Variants in SCN10A observed in about 807,000 individuals in gnomAD.
SCN10A encodes the protein sodium voltage-gated channel alpha subunit 10.
In SCN10A, 162 loss-of-function variants were observed where a neutral mutation model predicts 170.7. The observed-to-expected ratio is 0.95, with a 90% CI of 0.84 to 1.08. The LOEUF is 1.08. Among genes scored for constraint, SCN10A ranks in the 50% least tolerant of loss-of-function variants. The pLI is 0.00. For synonymous variants in SCN10A, 985 were observed against 904.6 expected (o/e 1.09, Z -1.59); for missense variants, 2,527 against 2,436.9 (o/e 1.04, Z -0.78).
rs1162676492 is a variant in SCN10A, at chr3:38,709,526, A to G, written c.4233T>C (p.Asn1411=). ...TGTCAATTATGACCCCAACAAAGAGATTCAGTGTGAAGAAGCCTCCAAAAA... is the reference window on the plus strand; with the variant it reads ...TGTCAATTATGACCCCAACAAAGAGGTTCAGTGTGAAGAAGCCTCCAAAAA... The part of the protein sequence containing the change: ...FIIFGGFFTL[N]LFVGVIIDNF... Residue 1411 remains asparagine, a synonymous_variant, in exon 25 of 28, where the codon AAT becomes AAC. Coordinates refer to ENST00000449082, the MANE Select transcript of SCN10A (RefSeq NM_006514.4). 1.2e-5 allele frequency: 20 copies of G among 1,613,076 alleles called. No individual in the cohort carries two copies. In the East Asian group the frequency reaches 4.2e-4, roughly 34 times the overall value.
chr3:38,753,987 A>T (rs1055287569), intron 11 of SCN10A, among the ~76,000 whole-genome samples: 3 of 152,218 alleles, frequency 2.0e-5, no homozygotes, highest in Admixed American at 6.5e-5. Context: ...TAAAAACTGC[A>T]TTAGGTCTAT....
intron 4 of SCN10A, among the ~76,000 whole-genome samples, chr3:38,784,902 A>G (rs1471946288): frequency 6.6e-6 from 1 of 152,208 alleles, no homozygotes; most frequent in Non-Finnish European, 1.5e-5. Context: ...AGAGAATAAA[A>G]TATCTAGAAA....
chr3:38,760,869 G>C, intron 7 of SCN10A, 122 bp from the exon 8 acceptor site: 1 of 763,792 alleles, frequency 1.3e-6, no homozygotes, highest in Non-Finnish European at 2.2e-6. Context: ...CATGTACTCA[G>C]TGGGCATGCT....
chr3:38,786,668 T>G (rs993020492), intron 4 of SCN10A, among the ~76,000 whole-genome samples: 6 of 152,252 alleles, frequency 3.9e-5, no homozygotes, highest in Admixed American at 2.6e-4. Flanking sequence ...ACAAAGCAAG[T>G]GAGGTGTTGA....
intron 26 of SCN10A, among the ~76,000 whole-genome samples, chr3:38,703,578 G>C (rs912028299): frequency 3.3e-5 from 5 of 152,204 alleles, no homozygotes; most frequent in African/African-American, 7.2e-5. Context: ...AAGGACGCTT[G>C]TCTGATATTG....
At chr3:38,774,512 G>A (rs990532372) in intron 4 of SCN10A, among the ~76,000 whole-genome samples, 2 of 152,242 alleles carry the variant, frequency 1.3e-5, no homozygotes, top group African/African-American at 2.4e-5. Context: ...TATTTCCTAA[G>A]TGCTTTTTCT....
intron 1 of SCN10A, among the ~76,000 whole-genome samples, chr3:38,813,167 A>G (rs1317554992): frequency 6.6e-6 from 1 of 152,158 alleles, no homozygotes; most frequent in African/African-American, 2.4e-5. Flanking sequence ...AATAATTACT[A>G]TTCCACCTTA....
chr3:38,784,282 C>G (rs1181709886), intron 4 of SCN10A, among the ~76,000 whole-genome samples: 2 of 152,084 alleles, frequency 1.3e-5, no homozygotes, highest in African/African-American at 4.8e-5. Context: ...AGCTTATCCA[C>G]CACGATCAAG....
At chr3:38,756,202 C>A (rs868147245) in intron 10 of SCN10A, among the ~76,000 whole-genome samples, 12 of 152,160 alleles carry the variant, frequency 7.9e-5, no homozygotes, top group African/African-American at 2.4e-4. Flanking sequence ...ACAGCTATCC[C>A]GAGCTGCTTG....
chr3:38,761,149 G>C, intron 7 of SCN10A, 43 bp downstream of exon 7: 1 of 1,452,338 alleles, frequency 6.9e-7, no homozygotes, highest in Non-Finnish European at 9.5e-7. Context: ...TGATACCAAG[G>C]GTCCAACCAG....
chr3:38,726,586 C>T lies in SCN10A; in HGVS notation c.3087+20G>A. 2.6e-6 allele frequency: 4 copies of T among 1,551,782 alleles called. No individual in the cohort carries two copies. Among genetic ancestry groups the T allele is most frequent in the Non-Finnish European group, 3.5e-6 (4 of 1,141,194 alleles). On this transcript the variant is annotated intron_variant, in intron 17 of 27. Transcript: ENST00000449082. The stretch of plus-strand genomic sequence containing the variant: ...GCCCCTCCCCACTGCCTGTGGCTGT[C>T]CCTTGGGGATAACTCTTACCTGTCC...
At chr3:38,744,458 CTT>C (rs59639785) in intron 13 of SCN10A, among the ~76,000 whole-genome samples, 15 of 147,412 alleles carry the variant, frequency 1.0e-4, no homozygotes, top group Admixed American at 2.0e-4. Flanking sequence ...TATTTGTTTT[CTT>C]TTTTTTTCAA....
Position 38,789,046 on chromosome 3 carries a change from C to G in SCN10A, c.390-10G>C. On this transcript the variant is annotated splice_polypyrimidine_tract_variant and intron_variant, in intron 3 of 27. Coordinates refer to ENST00000449082, the MANE Select transcript of SCN10A (RefSeq NM_006514.4). The stretch of plus-strand genomic sequence containing the variant: ...AAATAAACTGAACCACCTGAAAGGC[C>G]TGTGTTAAGGAAAAGCTGAGATCAC... 3.8e-6 allele frequency: 6 copies of G among 1,582,484 alleles called. No individual in the cohort carries two copies. The highest frequency in any genetic ancestry group is 5.2e-6 in the Non-Finnish European group (6 of 1,151,722).
At chr3:38,747,680 C>T (rs2063705716) in intron 13 of SCN10A, among the ~76,000 whole-genome samples, 1 of 152,190 alleles carries the variant, frequency 6.6e-6, no homozygotes, top group Non-Finnish European at 1.5e-5. Flanking sequence ...TCTCATTCAT[C>T]CCATGACCTT....
At chr3:38,725,408 G>A in intron 17 of SCN10A, 94 bp from the exon 18 acceptor site, 1 of 1,280,052 alleles carries the variant, frequency 7.8e-7, no homozygotes, top group Non-Finnish European at 1.1e-6. Context: ...GGCTGCCAGA[G>A]CCAAGAGTTT....
At chr3:38,725,976 T>C (rs1439666320) in intron 17 of SCN10A, among the ~76,000 whole-genome samples, 1 of 152,226 alleles carries the variant, frequency 6.6e-6, no homozygotes, top group Non-Finnish European at 1.5e-5. Flanking sequence ...GCCCTGCATG[T>C]TCCTGAGGCC....
At chr3:38,808,993 C>A (rs1056429660) in intron 1 of SCN10A, among the ~76,000 whole-genome samples, 2 of 152,168 alleles carry the variant, frequency 1.3e-5, no homozygotes, top group Non-Finnish European at 2.9e-5. Context: ...AGTTACTACA[C>A]AGGAAGATGA....
intron 24 of SCN10A, among the ~76,000 whole-genome samples, chr3:38,710,395 A>G (rs1461339351): frequency 1.3e-5 from 2 of 152,084 alleles, no homozygotes; most frequent in Non-Finnish European, 2.9e-5. Flanking sequence ...AGCTCAGGCA[A>G]TCTGCCCACC....
intron 13 of SCN10A, among the ~76,000 whole-genome samples, chr3:38,746,100 T>TTG (rs71085336): frequency 1.0e-5 from 1 of 99,820 alleles, no homozygotes; most frequent in Non-Finnish European, 2.0e-5. Context: ...TATATATATA[T>TTG]GCCATCTTTG....
Sources: gnomAD v4.1 joint callset for allele counts (sites outside exome capture counted in the v4.1 genomes callset) on GRCh38, gnomAD v4.1.1 for gene constraint, MANE v1.5 for transcripts, NCBI Gene and HGNC (gene_info 2026-07-23, HGNC 2026-07-21) for gene names.